The following KCNH8 variants were observed in gnomAD, a reference collection of about 807,000 sequenced individuals.
KCNH8 encodes the protein voltage-gated delayed rectifier potassium channel KCNH8.
A neutral mutation model predicts 103.6 loss-of-function variants in KCNH8; 70 were observed. That is an observed-to-expected ratio of 0.68 (90% CI 0.56 to 0.82). The LOEUF (loss-of-function observed/expected upper bound fraction) is 0.82. Among genes scored for constraint, KCNH8 ranks in the 40% least tolerant of loss-of-function variants. KCNH8 has a pLI of 0.00. For missense variants in KCNH8, 1,217 were observed against 1,329.9 expected, an observed-to-expected ratio of 0.92 and a Z score of 1.32; for synonymous variants, 498 against 489.4, an observed-to-expected ratio of 1.02 and a Z score of -0.23.
chr3:19,402,531 G>A (rs1325802420), intron 7 of KCNH8, among the ~76,000 whole-genome samples: 2 of 151,744 alleles, frequency 1.3e-5, no homozygotes, highest in African/African-American at 4.8e-5. Flanking sequence ...TGTTATTTTT[G>A]GGTCATAGTT....
At chr3:19,338,368 T>C (rs1451531835) in intron 3 of KCNH8, among the ~76,000 whole-genome samples, 3 of 151,968 alleles carry the variant, frequency 2.0e-5, no homozygotes, top group Admixed American at 6.6e-5. Context: ...TAGCCCTCGG[T>C]CATCCATATC....
chr3:19,253,535 C>T (rs1239198886), intron 1 of KCNH8, 119 bp from the exon 2 acceptor site: 4 of 769,670 alleles, frequency 5.2e-6, no homozygotes, highest in Admixed American at 2.1e-5. Flanking sequence ...CACTGCAGCA[C>T]ATCAGAATGT....
intron 3 of KCNH8, among the ~76,000 whole-genome samples, chr3:19,329,514 G>GT (rs35430146): frequency 0.35 from 52,722 of 151,774 alleles, 9,996 homozygotes; most frequent in East Asian, 0.67. Flanking sequence ...ATTTTTCTAG[G>GT]TTTTTTTCCT....
intron 7 of KCNH8, among the ~76,000 whole-genome samples, chr3:19,430,043 T>C (rs2067096686): frequency 6.6e-6 from 1 of 152,240 alleles, no homozygotes; most frequent in Non-Finnish European, 1.5e-5. Context: ...CATGTGTCTT[T>C]ATAATAGAAT....
chr3:19,386,395 A>T (rs1418498136), intron 5 of KCNH8, among the ~76,000 whole-genome samples: 1 of 152,084 alleles, frequency 6.6e-6, no homozygotes, highest in Non-Finnish European at 1.5e-5. Flanking sequence ...TTTTTTGGCA[A>T]TTCTATAAAC....
chr3:19,390,732 G>T, intron 6 of KCNH8, 94 bp downstream of exon 6: 1 of 1,246,648 alleles, frequency 8.0e-7, no homozygotes, highest in East Asian at 2.5e-5. Flanking sequence ...ATGCTTCCAG[G>T]GTTTTGTGCC....
chr3:19,535,092 G>GT lies in KCNH8; in HGVS notation c.*994dup. ...CAGAAATGTCTCTCCTCTAGGTATC[G>GT]TATTTTGTTGCTCAAGAATCCAAAA... On this transcript the variant is annotated 3_prime_UTR_variant, in exon 16 of 16. Coordinates refer to ENST00000328405, the MANE Select transcript of KCNH8 (RefSeq NM_144633.3). The GT allele has an allele frequency of 6.6e-6, 1 of 152,224 alleles. No individual in the cohort carries two copies. The highest frequency in any genetic ancestry group is 1.9e-4 in the East Asian group (1 of 5,178). The allele number at this position is 152,224 out of a possible 1,614,324, so 9.4% of individuals were successfully genotyped here. A position where few individuals can be genotyped will look rare whatever the true frequency, so the allele number is the denominator to read the frequency against.
intron 5 of KCNH8, among the ~76,000 whole-genome samples, chr3:19,360,614 A>T (rs975623154): frequency 6.6e-6 from 1 of 152,022 alleles, no homozygotes; most frequent in Non-Finnish European, 1.5e-5. Context: ...TTCTAACCCA[A>T]CATTGCCTTT....
intron 3 of KCNH8, among the ~76,000 whole-genome samples, chr3:19,315,873 T>A (rs1251071360): frequency 6.6e-6 from 1 of 152,006 alleles, no homozygotes; most frequent in South Asian, 2.1e-4. Context: ...CACACGTATA[T>A]AAGAATTGCT....
intron 11 of KCNH8, among the ~76,000 whole-genome samples, chr3:19,483,307 T>C (rs1261143549): frequency 1.3e-5 from 2 of 152,266 alleles, no homozygotes; most frequent in Non-Finnish European, 2.9e-5. Context: ...TGGATTCCTT[T>C]TTGTGTGATT....
At chr3:19,205,166 CTT>C in intron 1 of KCNH8, among the ~76,000 whole-genome samples, 1 of 152,004 alleles carries the variant, frequency 6.6e-6, no homozygotes, top group Non-Finnish European at 1.5e-5. Context: ...TCCACTCACT[CTT>C]TCATATATCT....
chr3:19,514,542 T>C (rs2068840913), intron 13 of KCNH8, among the ~76,000 whole-genome samples: 1 of 151,902 alleles, frequency 6.6e-6, no homozygotes, highest in South Asian at 2.1e-4. Context: ...CATCAAAATC[T>C]TGACTATAGT....
At chr3:19,371,009 C>T (rs572677642) in intron 5 of KCNH8, among the ~76,000 whole-genome samples, 34 of 152,158 alleles carry the variant, frequency 2.2e-4, no homozygotes, top group African/African-American at 6.3e-4. Flanking sequence ...CAGTCTATTA[C>T]TGTTGGACAT....
At chr3:19,186,941 A>G (rs1212925448) in intron 1 of KCNH8, among the ~76,000 whole-genome samples, 1 of 152,080 alleles carries the variant, frequency 6.6e-6, no homozygotes, top group African/African-American at 2.4e-5. Context: ...TGTGTGCCTT[A>G]TGGTCTCCCA....
At chr3:19,360,553 A>G (rs1366553564) in intron 5 of KCNH8, among the ~76,000 whole-genome samples, 1 of 152,046 alleles carries the variant, frequency 6.6e-6, no homozygotes, top group South Asian at 2.1e-4. Flanking sequence ...AAATCTTCAC[A>G]ATCAGTCCTT....
intron 7 of KCNH8, among the ~76,000 whole-genome samples, chr3:19,432,678 C>T (rs750916707): frequency 3.9e-5 from 6 of 152,076 alleles, no homozygotes; most frequent in South Asian, 2.1e-4. Flanking sequence ...ATTTAAGCCA[C>T]GAGAAACACT....
intron 2 of KCNH8, among the ~76,000 whole-genome samples, chr3:19,265,912 A>C (rs957110038): frequency 6.6e-6 from 1 of 152,080 alleles, no homozygotes; most frequent in African/African-American, 2.4e-5. Context: ...CTGGCACCAG[A>C]AATTCATGCT....
At chr3:19,274,334 T>C (rs2125268786) in intron 2 of KCNH8, among the ~76,000 whole-genome samples, 2 of 152,254 alleles carry the variant, frequency 1.3e-5, no homozygotes, top group East Asian at 3.9e-4. Context: ...TAATACACTC[T>C]TAATAGAATA....
Position 19,510,416 on chromosome 3 carries a change from A to T in KCNH8, c.2079+15A>T. On this transcript the variant is annotated intron_variant, in intron 12 of 15. Coordinates refer to ENST00000328405, the MANE Select transcript of KCNH8 (RefSeq NM_144633.3). ...TGGTCTCACAGGTATGGCTTTTGCT[A>T]CACAGCAAAATATTTATCTAAAATC... 1 of 1,486,140 alleles carries T rather than the reference A, an allele frequency of 6.7e-7. No homozygotes were observed. Among genetic ancestry groups the T allele is most frequent in the African/African-American group, 1.4e-5 (1 of 72,446 alleles). The allele number at this position is 1,486,140 out of a possible 1,614,324, so 92.1% of individuals were successfully genotyped here.
Sources: allele counts gnomAD v4.1 joint callset (sites outside exome capture counted in the v4.1 genomes callset), GRCh38; gene constraint gnomAD v4.1.1; transcripts MANE v1.5; gene names NCBI Gene and HGNC (gene_info 2026-07-23, HGNC 2026-07-21).